NRG2: variants seen among roughly 807,000 people sequenced by gnomAD.
NRG2 encodes the protein pro-neuregulin-2, membrane-bound isoform.
In NRG2, 27 loss-of-function variants were observed where a neutral mutation model predicts 73.9. The ratio of observed to expected loss-of-function variants is 0.37; its 90% CI spans 0.27 to 0.50. NRG2 has a LOEUF of 0.50. NRG2 is among the 20% of genes least tolerant of loss of function. The pLI, the probability that NRG2 is intolerant of heterozygous loss-of-function variation, is 0.96. For synonymous variants in NRG2, 532 were observed against 541.0 expected, an observed-to-expected ratio of 0.98 and a Z score of 0.23; for missense variants, 1,126 against 1,210.1, an observed-to-expected ratio of 0.93 and a Z score of 1.03.
At position 139,848,665 on chromosome 5, in the gene NRG2, A is replaced by G. The variant is rs1761196767; in HGVS notation, c.1805T>C (p.Leu602Pro). Residue 602 changes from leucine (L) to proline (P), a missense_variant, in exon 10 of 10, where the codon CTC (leucine) becomes CCC (proline). Coordinates refer to ENST00000361474, the MANE Select transcript of NRG2 (RefSeq NM_004883.3). The stretch of plus-strand genomic sequence containing the variant: ...CGAGTAGTGGAAGTCCACGGGCGAG[A>G]GGCGCGCGGGCGTGGTCAGGGCCGA... ...YVSALTTPAR[L>P]SPVDFHYSLA... The G allele has an allele frequency of 6.4e-7, 1 of 1,563,922 alleles. No individual in the cohort carries two copies. The highest frequency in any genetic ancestry group is 8.6e-7 in the Non-Finnish European group (1 of 1,164,590).
chr5:139,952,269 G>A (rs1444524330), intron 1 of NRG2, among the ~76,000 whole-genome samples: 1 of 152,028 alleles, frequency 6.6e-6, no homozygotes, highest in Non-Finnish European at 1.5e-5. Flanking sequence ...GGCAGATCAC[G>A]TCTCAATTAT....
In NRG2 at chr5:139,848,539, T is replaced by C; in HGVS notation, c.1931A>G (p.Gln644Arg). The C allele has an allele frequency of 6.7e-7, 1 of 1,484,510 alleles. No homozygotes were observed. Among genetic ancestry groups the C allele is most frequent in the Non-Finnish European group, 8.9e-7 (1 of 1,128,566 alleles). The allele number at this position is 1,484,510 out of a possible 1,614,324, so 92.0% of individuals were successfully genotyped here. ...AAPISYRLAE[Q>R]QPLLRHPAPP... ...CGCCGGGTGCCGCAGTAACGGCTGC[T>C]GCTCGGCCAGGCGGTAACTGATGGG... The change falls in exon 10 of 10, where the codon CAG becomes CGG. Residue 644 changes from glutamine (Q) to arginine (R), a missense_variant. By Grantham distance (43) the Gln-to-Arg change is conservative. Around this residue, in one of 3 missense-constraint regions of NRG2, gnomAD observed 402 missense variants for 357.8 expected, o/e 1.12. Coordinates refer to ENST00000361474, the MANE Select transcript of NRG2 (RefSeq NM_004883.3).
intron 2 of NRG2, among the ~76,000 whole-genome samples, chr5:139,884,755 G>T (rs1763755379): frequency 6.6e-6 from 1 of 152,204 alleles, no homozygotes; most frequent in Non-Finnish European, 1.5e-5. Flanking sequence ...CTCTAGCAGA[G>T]TGCCTGGCAC....
At chr5:140,006,692 G>A (rs1013959584) in intron 1 of NRG2, among the ~76,000 whole-genome samples, 2 of 152,172 alleles carry the variant, frequency 1.3e-5, no homozygotes, top group Admixed American at 6.5e-5. Context: ...GAAGAGAAGA[G>A]AGACATGCCA....
Position 139,853,121 on chromosome 5 carries a change from C to T in NRG2, c.1293-94G>A. On this transcript the variant is annotated intron_variant, in intron 6 of 9. Coordinates refer to ENST00000361474, the MANE Select transcript of NRG2 (RefSeq NM_004883.3). This position sits in a 1 kb window ranked among gnomAD's most constrained non-coding sequence, Gnocchi z 4.1. ...CTCTCTAGGGAAACAGCTTTTCCTC[C>T]TGCCCAGGGTGGCCATGGCTACTGC... is the stretch of plus-strand genomic sequence containing the variant. The T allele has an allele frequency of 6.4e-7, 1 of 1,550,450 alleles. No individual in the cohort carries two copies. Among genetic ancestry groups the T allele is most frequent in the Non-Finnish European group, 8.7e-7 (1 of 1,143,442 alleles).
At chr5:139,998,300 G>C (rs1204022045) in intron 1 of NRG2, among the ~76,000 whole-genome samples, 1 of 152,118 alleles carries the variant, frequency 6.6e-6, no homozygotes, top group African/African-American at 2.4e-5. Flanking sequence ...TCAGAATATT[G>C]TTCTGAACAA....
intron 1 of NRG2, among the ~76,000 whole-genome samples, chr5:139,968,892 C>G (rs748029552): frequency 1.3e-5 from 2 of 152,320 alleles, no homozygotes; most frequent in East Asian, 3.9e-4. Flanking sequence ...GAGGGCACTC[C>G]GAGGCCGGTG....
chr5:140,020,708 G>A (rs1222548558), intron 1 of NRG2, among the ~76,000 whole-genome samples: 3 of 152,182 alleles, frequency 2.0e-5, no homozygotes, highest in East Asian at 1.9e-4. Flanking sequence ...TAGCAAGATC[G>A]TCTCCTAGCA....
At chr5:140,028,623 AG>A (rs1243749005) in intron 1 of NRG2, among the ~76,000 whole-genome samples, 1 of 152,188 alleles carries the variant, frequency 6.6e-6, no homozygotes, top group Non-Finnish European at 1.5e-5. Context: ...CACATTGGCC[AG>A]GGGGCCAGGG....
chr5:139,934,497 C>G (rs1455287575), intron 1 of NRG2, among the ~76,000 whole-genome samples: 1 of 150,852 alleles, frequency 6.6e-6, no homozygotes, highest in East Asian at 1.9e-4. Flanking sequence ...CAAATCAAAA[C>G]AAAGCAAAAA....
intron 1 of NRG2, among the ~76,000 whole-genome samples, chr5:139,950,391 C>T (rs1373655377): frequency 6.6e-6 from 1 of 152,208 alleles, no homozygotes; most frequent in Non-Finnish European, 1.5e-5. Flanking sequence ...TTCTGTAGAA[C>T]ATTTAGCTTC....
chr5:139,912,395 G>A (rs756944792), intron 1 of NRG2, among the ~76,000 whole-genome samples: 6 of 152,068 alleles, frequency 3.9e-5, no homozygotes, highest in Non-Finnish European at 8.8e-5. Flanking sequence ...CTGCTCCTGG[G>A]ACAACAGCCC....
At chr5:139,855,559 G>A in intron 6 of NRG2, 117 bp downstream of exon 6, 2 of 862,056 alleles carry the variant, frequency 2.3e-6, no homozygotes, top group Non-Finnish European at 3.8e-6. Flanking sequence ...GGTAGTTGGG[G>A]CCTAGGAGGG....
At chr5:139,928,123 A>G (rs1225329164) in intron 1 of NRG2, among the ~76,000 whole-genome samples, 1 of 152,140 alleles carries the variant, frequency 6.6e-6, no homozygotes. Context: ...CTCCCTTACT[A>G]TCAGTCAGCC....
intron 1 of NRG2, among the ~76,000 whole-genome samples, chr5:139,935,106 G>A (rs2126392442): frequency 6.6e-6 from 1 of 152,192 alleles, no homozygotes; most frequent in Middle Eastern, 3.4e-3. Context: ...GGCAGAAGTT[G>A]GCAGTGAGCC....
chr5:139,950,058 G>A (rs578067540), intron 1 of NRG2, among the ~76,000 whole-genome samples: 1 of 152,344 alleles, frequency 6.6e-6, no homozygotes, highest in East Asian at 1.9e-4. Context: ...TTCCTAGGGG[G>A]AAACCTGATT....
intron 1 of NRG2, among the ~76,000 whole-genome samples, chr5:139,934,260 A>T: frequency 6.6e-6 from 1 of 152,372 alleles, no homozygotes; most frequent in East Asian, 1.9e-4. Flanking sequence ...TATGTTTAAA[A>T]TCTCTTTAAA....
chr5:139,980,833 C>T (rs959064735), intron 1 of NRG2, among the ~76,000 whole-genome samples: 34 of 152,208 alleles, frequency 2.2e-4, no homozygotes, highest in African/African-American at 7.5e-4. Flanking sequence ...CAGGCAACTC[C>T]CTTTCCCTGG....
intron 1 of NRG2, among the ~76,000 whole-genome samples, chr5:139,946,170 G>A (rs377156718): frequency 6.6e-6 from 1 of 151,918 alleles, no homozygotes; most frequent in African/African-American, 2.4e-5. Context: ...TTTTGAAAAA[G>A]AAGAACAAAG....
Sources: gnomAD v4.1 joint callset for allele counts (sites outside exome capture counted in the v4.1 genomes callset) on GRCh38, gnomAD v4.1.1 for gene constraint, gnomAD v4.1.1 regional missense constraint, Gnocchi (gnomAD v3.1) non-coding constraint, MANE v1.5 for transcripts, NCBI Gene and HGNC (gene_info 2026-07-23, HGNC 2026-07-21) for gene names.